Variants in E2F5 observed in about 807,000 individuals in gnomAD.
E2F5 encodes E2F transcription factor 5.
In E2F5, 23 loss-of-function variants were observed where a neutral mutation model predicts 39.1. The observed-to-expected ratio is 0.59, with a 90% CI of 0.42 to 0.83. The LOEUF (loss-of-function observed/expected upper bound fraction) is 0.83. Ranked by LOEUF, E2F5 falls within the 40% of genes least tolerant of loss-of-function variation. The pLI is 0.00. For synonymous variants in E2F5, 145 were observed against 157.8 expected (o/e 0.92, Z 0.61); for missense variants, 365 against 406.7 (o/e 0.90, Z 0.88).
intron 1 of E2F5, among the ~76,000 whole-genome samples, chr8:85,183,990 C>A (rs553747130): frequency 6.6e-6 from 1 of 152,108 alleles, no homozygotes; most frequent in African/African-American, 2.4e-5. Context: ...AGAGGAAAGA[C>A]CATGTGAGGA....
chr8:85,185,656 C>T (rs957541460), intron 1 of E2F5, among the ~76,000 whole-genome samples: 7 of 152,100 alleles, frequency 4.6e-5, no homozygotes, highest in Non-Finnish European at 8.8e-5. Context: ...AGAACTTAGA[C>T]GAATTTACAA....
intron 1 of E2F5, among the ~76,000 whole-genome samples, chr8:85,181,398 T>G (rs1440650914): frequency 1.3e-5 from 2 of 151,604 alleles, no homozygotes; most frequent in African/African-American, 4.8e-5. Flanking sequence ...TGTCGCGATC[T>G]CCACTCGCTG....
At chr8:85,200,374 G>A in intron 1 of E2F5, 2 of 588,888 alleles carry the variant, frequency 3.4e-6, no homozygotes, top group Non-Finnish European at 4.3e-6. Context: ...GAGAAATAAT[G>A]TTTAGTTTTA....
chr8:85,190,276 T>G (rs182748266), intron 1 of E2F5, among the ~76,000 whole-genome samples: 3 of 151,200 alleles, frequency 2.0e-5, no homozygotes, highest in African/African-American at 7.3e-5. Flanking sequence ...CCACCACCAC[T>G]GCACCACACA....
At chr8:85,202,656 G>A (rs181207984) in intron 2 of E2F5, among the ~76,000 whole-genome samples, 26 of 152,314 alleles carry the variant, frequency 1.7e-4, no homozygotes, top group Admixed American at 3.9e-4. Flanking sequence ...ACGTTTGAAT[G>A]TAACAATTTC....
At chr8:85,186,960 T>A (rs374202751) in intron 1 of E2F5, among the ~76,000 whole-genome samples, 1 of 148,458 alleles carries the variant, frequency 6.7e-6, no homozygotes, top group Non-Finnish European at 1.5e-5. Context: ...AATCCAAGCA[T>A]AAAAAAAAAT....
chr8:85,211,220 TAA>T (rs5892938), intron 6 of E2F5, among the ~76,000 whole-genome samples: 169 of 112,464 alleles, frequency 1.5e-3, no homozygotes, highest in Middle Eastern at 8.7e-3. Context: ...ACCCTATCTC[TAA>T]AAAAAAAAAA....
At chr8:85,180,404 C>G (rs1385890798) in intron 1 of E2F5, among the ~76,000 whole-genome samples, 1 of 151,360 alleles carries the variant, frequency 6.6e-6, no homozygotes, top group Non-Finnish European at 1.5e-5. Flanking sequence ...ATTATAAAGA[C>G]ACATTTTCTC....
chr8:85,200,930 C>T (rs1028609096), intron 1 of E2F5, among the ~76,000 whole-genome samples: 15 of 152,192 alleles, frequency 9.9e-5, no homozygotes, highest in Admixed American at 9.8e-4. Context: ...CTTCTTCTGC[C>T]ACATCCTGCT....
chr8:85,199,936 C>T (rs960790281), intron 1 of E2F5, among the ~76,000 whole-genome samples: 11 of 152,138 alleles, frequency 7.2e-5, no homozygotes, highest in African/African-American at 2.4e-4. Context: ...GTGTGTTTAG[C>T]TTCAGAACTT....
intron 2 of E2F5, 85 bp downstream of exon 2, chr8:85,202,341 C>A: frequency 1.0e-6 from 1 of 966,406 alleles, no homozygotes; most frequent in Non-Finnish European, 1.5e-6. Flanking sequence ...GTTTCTATCT[C>A]CCAAATCCTC....
chr8:85,199,129 T>C (rs1267692259), intron 1 of E2F5, among the ~76,000 whole-genome samples: 1 of 152,096 alleles, frequency 6.6e-6, no homozygotes, highest in Admixed American at 6.6e-5. Context: ...ATCGCCATCT[T>C]GTTGGTCTCC....
rs4150940 is a variant in E2F5 at position 85,202,961 on chromosome 8, G to A, written c.345-133G>A. Reference sequence around the variant, plus strand: ...GTGTTTAAAATTTTTAAGGATTTTAGTGCTTGATTTTAAGAGTGTAAAGAC... The same window carrying A: ...GTGTTTAAAATTTTTAAGGATTTTAATGCTTGATTTTAAGAGTGTAAAGAC... On this transcript the variant is annotated intron_variant, in intron 2 of 7. Coordinates refer to ENST00000416274, the MANE Select transcript of E2F5 (RefSeq NM_001951.4). 608 of 623,978 alleles carry A rather than the reference G, an allele frequency of 9.7e-4. 13 individuals are homozygous for A. The East Asian group carries it at 0.022, about 23-fold the overall frequency. 38.7% of individuals were successfully genotyped at this position (623,978 alleles called of 1,614,324 possible).
chr8:85,196,846 C>T (rs1474937836), intron 1 of E2F5, among the ~76,000 whole-genome samples: 1 of 152,156 alleles, frequency 6.6e-6, no homozygotes, highest in Non-Finnish European at 1.5e-5. Context: ...ATAAAACATT[C>T]TGCATTAACA....
chr8:85,181,070 G>C (rs929996383), intron 1 of E2F5, among the ~76,000 whole-genome samples: 1 of 151,746 alleles, frequency 6.6e-6, no homozygotes, highest in African/African-American at 2.4e-5. Flanking sequence ...TAGAGACAGG[G>C]TTTTGCCATA....
intron 1 of E2F5, among the ~76,000 whole-genome samples, chr8:85,185,338 C>G (rs966173943): frequency 4.6e-5 from 7 of 152,100 alleles, no homozygotes; most frequent in Non-Finnish European, 1.0e-4. Flanking sequence ...GGAGCCCTTC[C>G]TTACACCTTA....
chr8:85,205,105 C>T (rs989890016), intron 3 of E2F5, among the ~76,000 whole-genome samples: 2 of 152,164 alleles, frequency 1.3e-5, no homozygotes, highest in African/African-American at 4.8e-5. Flanking sequence ...ATTGCTTGAA[C>T]CCAGGAGGCA....
At chr8:85,192,808 GC>G (rs1246372191) in intron 1 of E2F5, among the ~76,000 whole-genome samples, 2 of 152,234 alleles carry the variant, frequency 1.3e-5, no homozygotes, top group African/African-American at 2.4e-5. Flanking sequence ...CCATCTCACA[GC>G]ATCAGAAGTA....
At chr8:85,186,222 A>C (rs2136042732) in intron 1 of E2F5, among the ~76,000 whole-genome samples, 1 of 152,168 alleles carries the variant, frequency 6.6e-6, no homozygotes, top group East Asian at 1.9e-4. Context: ...ACATGGATGA[A>C]GCTGGAAACC....
Sources: gnomAD v4.1 joint callset for allele counts (sites outside exome capture counted in the v4.1 genomes callset) on GRCh38, gnomAD v4.1.1 for gene constraint, MANE v1.5 for transcripts, NCBI Gene and HGNC (gene_info 2026-07-23, HGNC 2026-07-21) for gene names.